The following COL21A1 variants were observed in gnomAD, a reference collection of about 807,000 sequenced individuals.
The protein encoded by COL21A1 is collagen type XXI alpha 1 chain.
A neutral mutation model predicts 137.9 loss-of-function variants in COL21A1; 149 were observed. The ratio of observed to expected loss-of-function variants is 1.08; its 90% confidence interval spans 0.95 to 1.24. The LOEUF (loss-of-function observed/expected upper bound fraction) is 1.24. COL21A1 is among the 50% of genes most tolerant of loss of function. The probability of loss-of-function intolerance (pLI) is 0.00; values close to 1 mark genes in which losing one functional copy is unlikely to be tolerated. For missense variants in COL21A1, 1,167 were observed against 1,158.4 expected (o/e 1.01, Z -0.11); for synonymous variants, 456 against 391.5 (o/e 1.16, Z -1.95).
intron 16 of COL21A1, among the ~76,000 whole-genome samples, chr6:56,114,430 T>C (rs1430999763): frequency 6.6e-6 from 1 of 152,216 alleles, no homozygotes; most frequent in Non-Finnish European, 1.5e-5. Flanking sequence ...TTTTGGATCT[T>C]TCCTGCTTTC....
At chr6:56,318,548 A>G (rs1365602268) in intron 1 of COL21A1, among the ~76,000 whole-genome samples, 1 of 151,992 alleles carries the variant, frequency 6.6e-6, no homozygotes, top group African/African-American at 2.4e-5. Flanking sequence ...TCAGGAGAAA[A>G]CTTCCATGCC....
At chr6:56,273,404 C>T (rs1326363107) in intron 1 of COL21A1, among the ~76,000 whole-genome samples, 1 of 152,038 alleles carries the variant, frequency 6.6e-6, no homozygotes, top group Non-Finnish European at 1.5e-5. Flanking sequence ...AATTGAGATG[C>T]ATGCATTCAT....
intron 1 of COL21A1, among the ~76,000 whole-genome samples, chr6:56,186,016 A>C (rs1778273126): frequency 6.6e-6 from 1 of 152,170 alleles, no homozygotes; most frequent in African/African-American, 2.4e-5. Flanking sequence ...CTAGACAAAG[A>C]TATTACAAAG....
chr6:56,066,963 GTA>G (rs1554199051), intron 23 of COL21A1, among the ~76,000 whole-genome samples: 26 of 127,958 alleles, frequency 2.0e-4, no homozygotes, highest in Middle Eastern at 3.8e-3. Flanking sequence ...CTGTGTGTGT[GTA>G]TATATATATA....
At chr6:56,304,579 T>A (rs1764389216) in intron 1 of COL21A1, among the ~76,000 whole-genome samples, 1 of 152,214 alleles carries the variant, frequency 6.6e-6, no homozygotes, top group Non-Finnish European at 1.5e-5. Context: ...AGTGGTGATA[T>A]CCCCTTTATC....
chr6:56,113,066 C>A (rs535975634), intron 16 of COL21A1, among the ~76,000 whole-genome samples: 4 of 152,198 alleles, frequency 2.6e-5, no homozygotes, highest in African/African-American at 7.2e-5. Context: ...TAAACCTCAC[C>A]ACCAAGGGCC....
chr6:56,280,086 C>A (rs1763756843), intron 1 of COL21A1, among the ~76,000 whole-genome samples: 1 of 152,174 alleles, frequency 6.6e-6, no homozygotes, highest in African/African-American at 2.4e-5. Context: ...TACTTACCTA[C>A]AATCCACAAG....
chr6:56,147,513 A>AATTT (rs1311445017), intron 10 of COL21A1, among the ~76,000 whole-genome samples: 2 of 152,086 alleles, frequency 1.3e-5, no homozygotes, highest in African/African-American at 4.8e-5. Flanking sequence ...GAGTTCAACC[A>AATTT]GTTATCACCA....
intron 1 of COL21A1, among the ~76,000 whole-genome samples, chr6:56,334,232 T>C (rs771393155): frequency 1.2e-4 from 19 of 152,096 alleles, no homozygotes; most frequent in Non-Finnish European, 2.6e-4. Flanking sequence ...GGTGTCAAAG[T>C]AGGACCCCCA....
upstream of COL21A1, among the ~76,000 whole-genome samples, chr6:56,251,178 A>C (rs1782843754): frequency 6.6e-6 from 1 of 152,220 alleles, no homozygotes; most frequent in South Asian, 2.1e-4. Context: ...AAATACCTCT[A>C]TCCTGATTCT....
chr6:56,136,373 T>C, intron 12 of COL21A1, among the ~76,000 whole-genome samples: 1 of 152,214 alleles, frequency 6.6e-6, no homozygotes. Flanking sequence ...CAGAATGTTT[T>C]CATTTCCCAA....
chr6:56,195,390 T>C (rs1381750228), intron 1 of COL21A1, among the ~76,000 whole-genome samples: 1 of 152,072 alleles, frequency 6.6e-6, no homozygotes, highest in African/African-American at 2.4e-5. Flanking sequence ...AGTATCTCCC[T>C]GGTTTTAAGA....
chr6:56,284,116 C>G (rs1763849077), intron 1 of COL21A1, among the ~76,000 whole-genome samples: 1 of 152,188 alleles, frequency 6.6e-6, no homozygotes, highest in African/African-American at 2.4e-5. Context: ...GACACCATCT[C>G]AGTTCGTTGC....
At chr6:56,229,159 T>C (rs1781389343) in intron 1 of COL21A1, among the ~76,000 whole-genome samples, 1 of 151,898 alleles carries the variant, frequency 6.6e-6, no homozygotes, top group Admixed American at 6.6e-5. Flanking sequence ...GGCAGGAGAA[T>C]TGCTTGAGAT....
At chr6:56,059,844 T>C (rs1765643359) in intron 28 of COL21A1, among the ~76,000 whole-genome samples, 174 bp downstream of exon 28, 1 of 152,210 alleles carries the variant, frequency 6.6e-6, no homozygotes, top group African/African-American at 2.4e-5. Context: ...TTTGAGAATA[T>C]TGCATTAAGA....
intron 18 of COL21A1, 23 bp from the exon 19 acceptor site, chr6:56,075,555 A>G: frequency 6.8e-7 from 1 of 1,470,162 alleles, no homozygotes; most frequent in Non-Finnish European, 9.1e-7. Flanking sequence ...AACATTAAAA[A>G]CATTATAAAT....
At chr6:56,224,218 A>T (rs555145436) in intron 1 of COL21A1, among the ~76,000 whole-genome samples, 1 of 152,262 alleles carries the variant, frequency 6.6e-6, no homozygotes, top group African/African-American at 2.4e-5. Context: ...TGAAGCTGTG[A>T]GTAATAAAGT....
At chr6:56,210,756 T>G (rs1470200141) in intron 1 of COL21A1, among the ~76,000 whole-genome samples, 1 of 152,120 alleles carries the variant, frequency 6.6e-6, no homozygotes, top group Non-Finnish European at 1.5e-5. Flanking sequence ...ATAAAAGAAA[T>G]TCAGTACTGT....
intron 1 of COL21A1, among the ~76,000 whole-genome samples, chr6:56,240,119 TA>T (rs1403989635): frequency 1.3e-5 from 2 of 151,654 alleles, no homozygotes; most frequent in African/African-American, 2.4e-5. Context: ...ACCATGATTA[TA>T]AGGCCTCCCT....
Sources: gnomAD v4.1 joint callset for allele counts (sites outside exome capture counted in the v4.1 genomes callset) on GRCh38, gnomAD v4.1.1 for gene constraint, MANE v1.5 for transcripts, NCBI Gene and HGNC (gene_info 2026-07-23, HGNC 2026-07-21) for gene names.